Variants in TXNDC5 observed in about 807,000 individuals in gnomAD.
TXNDC5 encodes the protein thioredoxin domain containing 5, also known as thioredoxin domain-containing protein 5.
Under a neutral mutation model 52.6 loss-of-function variants are expected in TXNDC5, and 44 were observed. That is an observed-to-expected ratio of 0.84 (90% CI 0.66 to 1.08). The LOEUF is 1.08. TXNDC5 is among the 50% of genes least tolerant of loss of function. The pLI is 0.00. For missense variants in TXNDC5, 600 were observed against 565.5 expected, an observed-to-expected ratio of 1.06 and a Z score of -0.62; for synonymous variants, 241 against 234.4, an observed-to-expected ratio of 1.03 and a Z score of -0.26.
At position 7,910,498 on chromosome 6, in the gene TXNDC5, G is replaced by A; in HGVS notation, c.263+16C>T. On this transcript the variant is annotated intron_variant, in intron 1 of 9. Coordinates refer to ENST00000379757, the MANE Select transcript of TXNDC5 (RefSeq NM_030810.5). Reference sequence around the variant, plus strand: ...GCGCCAAGTGCGGGGCAGGGCGCCGGCCTGCGCGGCGTTACCAGGGCGCGA... The same window carrying A: ...GCGCCAAGTGCGGGGCAGGGCGCCGACCTGCGCGGCGTTACCAGGGCGCGA... 7.0e-7 allele frequency: 1 copy of A among 1,426,760 alleles called. No individual in the cohort carries two copies. The highest frequency in any genetic ancestry group is 1.3e-5 in the South Asian group (1 of 76,976). The allele number at this position is 1,426,760 out of a possible 1,614,324, so 88.4% of individuals were successfully genotyped here. A position where few individuals can be genotyped will look rare whatever the true frequency, so the allele number is the denominator to read the frequency against.
At chr6:7,887,102 A>C (rs1389313367) in intron 7 of TXNDC5, among the ~76,000 whole-genome samples, 57 of 140,454 alleles carry the variant, frequency 4.1e-4, no homozygotes. Flanking sequence ...TTCAACCAAA[A>C]CGTCAACTTT....
Position 7,910,671 on chromosome 6 carries a change from C to G in TXNDC5, c.106G>C (p.Ala36Pro). The change falls in exon 1 of 10, where the codon GCC (alanine) becomes CCC (proline). Residue 36 changes from alanine to proline, a missense_variant. By Grantham distance (27) the Ala-to-Pro change is conservative (BLOSUM62 -1). Transcript: ENST00000379757. Reference sequence around the variant, plus strand: ...GCCGCCGCCGCCTCCTGGGCCCGGGCGCCCCAGCGCCCGCCGCCGCCATGG... The same window carrying G: ...GCCGCCGCCGCCTCCTGGGCCCGGGGGCCCCAGCGCCCGCCGCCGCCATGG... ...LGHGGGGRWGARAQEAAAAAA... is the reference protein window; with the variant it reads ...LGHGGGGRWGPRAQEAAAAAA... 3 of 1,133,342 alleles carry G rather than the reference C, an allele frequency of 2.6e-6. No homozygotes were observed. In the South Asian group the frequency reaches 1.2e-4, roughly 45 times the overall value. The allele number at this position is 1,133,342 out of a possible 1,614,324, so 70.2% of individuals were successfully genotyped here. A position where few individuals can be genotyped will look rare whatever the true frequency, so the allele number is the denominator to read the frequency against.
intron 3 of TXNDC5, 78 bp from the exon 4 acceptor site, chr6:7,895,280 T>C (rs1760329086): frequency 4.4e-6 from 6 of 1,352,936 alleles, no homozygotes; most frequent in Non-Finnish European, 6.1e-6. Flanking sequence ...ACTGTGTCTG[T>C]GGGGAACCGC....
intron 3 of TXNDC5, 24 bp downstream of exon 3, chr6:7,899,552 G>GGAGGGAGT: frequency 6.5e-7 from 1 of 1,545,256 alleles, no homozygotes. Flanking sequence ...AGGGAGGGAG[G>GGAGGGAGT]GAGGGAAGGA....
In TXNDC5 at chr6:7,883,065, C is replaced by T; in HGVS notation, c.*79G>A. 1 of 1,595,866 alleles carries T rather than the reference C, an allele frequency of 6.3e-7. No individual in the cohort carries two copies. The highest frequency in any genetic ancestry group is 8.6e-7 in the Non-Finnish European group (1 of 1,167,678). On this transcript the variant is annotated 3_prime_UTR_variant, in exon 10 of 10. Transcript: ENST00000379757. ...CTTTCTGAACAGCCACCACTGGGAACCCAGTGGCCTCTGTGGGACTGAACT... is the reference window on the plus strand; with the variant it reads ...CTTTCTGAACAGCCACCACTGGGAATCCAGTGGCCTCTGTGGGACTGAACT...
intron 1 of TXNDC5, among the ~76,000 whole-genome samples, chr6:7,908,548 G>T (rs1760810434): frequency 6.6e-6 from 1 of 151,502 alleles, no homozygotes; most frequent in Non-Finnish European, 1.5e-5. Flanking sequence ...AGAATGGGAT[G>T]CGATGGCTCA....
In TXNDC5 at chr6:7,884,890, T is replaced by C. The variant is rs555096739; in HGVS notation, c.1047-402A>G. Among the ~76,000 whole-genome samples, 19 of 152,342 alleles carry C rather than the reference T, an allele frequency of 1.2e-4. 1 individual carries two copies. The highest frequency in any genetic ancestry group is 9.8e-4 in the Admixed American group (15 of 15,308). On this transcript the variant is annotated intron_variant, in intron 8 of 9. Transcript: ENST00000379757. ...AAGACATTTTAGATTTGATTGCTTA[T>C]GGTCTCACAATTTCAAAACCATTTT...
At chr6:7,883,494 C>T (rs552244389) in intron 9 of TXNDC5, among the ~76,000 whole-genome samples, 1 of 152,250 alleles carries the variant, frequency 6.6e-6, no homozygotes, top group South Asian at 2.1e-4. Flanking sequence ...AAAGATCAGC[C>T]TCAAAGGAAC....
At chr6:7,910,439 G>T in intron 1 of TXNDC5, 75 bp downstream of exon 1, 1 of 1,250,096 alleles carries the variant, frequency 8.0e-7, no homozygotes, top group South Asian at 2.3e-5. Context: ...GGGACCCCCC[G>T]CCCGCGGCGC....
chr6:7,910,179 G>A (rs1488683135), intron 1 of TXNDC5: 2 of 982,788 alleles, frequency 2.0e-6, no homozygotes, highest in Non-Finnish European at 2.4e-6. Context: ...AGCCGCCAGT[G>A]CCCGGCCCGC....
intron 3 of TXNDC5, among the ~76,000 whole-genome samples, chr6:7,897,801 A>G (rs1760423979): frequency 6.6e-6 from 1 of 152,174 alleles, no homozygotes; most frequent in Non-Finnish European, 1.5e-5. Context: ...TTTTGGTGAA[A>G]TTTATTTGAG....
At chr6:7,905,919 T>C (rs72829244) in intron 1 of TXNDC5, among the ~76,000 whole-genome samples, 7,940 of 152,314 alleles carry the variant, frequency 0.052, 285 homozygotes, top group East Asian at 0.11. Context: ...TTAAATCTCC[T>C]TTTATTTTCT....
In TXNDC5 at chr6:7,881,968, T is replaced by TAG; in HGVS notation, c.*1174_*1175dup. The TAG allele has an allele frequency of 6.5e-6, 1 of 152,714 alleles. No homozygotes were observed. The allele number at this position is 152,714 out of a possible 1,614,324, so 9.5% of individuals were successfully genotyped here. ...TGTATGTGCTTATTCCCAAGGGAGA[T>TAG]AGAGGTGTTTAATCACAAGGACAGC... On this transcript the variant is annotated 3_prime_UTR_variant, in exon 10 of 10. Transcript: ENST00000379757.
intron 2 of TXNDC5, among the ~76,000 whole-genome samples, chr6:7,900,519 G>C (rs943510662): frequency 6.6e-6 from 1 of 152,216 alleles, no homozygotes. Context: ...TCTACAGCGC[G>C]TATGTGGATT....
chr6:7,888,573 C>G, intron 7 of TXNDC5, 132 bp downstream of exon 7: 1 of 1,187,516 alleles, frequency 8.4e-7, no homozygotes, highest in Non-Finnish European at 1.1e-6. Flanking sequence ...CAACTGGAGC[C>G]AACCATCAGA....
At chr6:7,901,178 C>T (rs964289498) in intron 2 of TXNDC5, among the ~76,000 whole-genome samples, 2 of 152,166 alleles carry the variant, frequency 1.3e-5, no homozygotes, top group South Asian at 2.1e-4. Flanking sequence ...TTGGCCAGTA[C>T]ACCGGCTACG....
intron 5 of TXNDC5, among the ~76,000 whole-genome samples, chr6:7,890,844 G>A (rs1023079925): frequency 6.6e-5 from 10 of 152,108 alleles, no homozygotes; most frequent in African/African-American, 2.4e-4. Flanking sequence ...GGAGACCGAG[G>A]CGTGGAGAGG....
chr6:7,882,480 A>G lies in TXNDC5; in HGVS notation c.*664T>C, dbSNP rs1203165252. The G allele has an allele frequency of 1.3e-5, 2 of 152,346 alleles. No homozygotes were observed. The highest frequency in any genetic ancestry group is 2.9e-5 in the Non-Finnish European group (2 of 68,118). 9.4% of individuals were successfully genotyped at this position (152,346 alleles called of 1,614,324 possible). A position where few individuals can be genotyped will look rare whatever the true frequency, so the allele number is the denominator to read the frequency against. ...CTGAACAGTAACTGATTTGACAAGT[A>G]TCGACACATAAAGTTATGGCATCAG... On this transcript the variant is annotated 3_prime_UTR_variant, in exon 10 of 10. Transcript: ENST00000379757.
intron 3 of TXNDC5, 24 bp from the exon 4 acceptor site, chr6:7,895,226 C>A: frequency 6.3e-7 from 1 of 1,598,240 alleles, no homozygotes; most frequent in South Asian, 1.1e-5. Context: ...ATAAAACAGT[C>A]ATGGGTGTGT....
Sources: allele counts gnomAD v4.1 joint callset (sites outside exome capture counted in the v4.1 genomes callset), GRCh38; gene constraint gnomAD v4.1.1; transcripts MANE v1.5; gene names NCBI Gene and HGNC (gene_info 2026-07-23, HGNC 2026-07-21).